SLC7A2: variants seen among roughly 807,000 people sequenced by gnomAD.
SLC7A2 encodes the protein solute carrier family 7 member 2.
A neutral mutation model predicts 58.9 loss-of-function variants in SLC7A2; 48 were observed. That is an observed-to-expected ratio of 0.82 (90% CI 0.65 to 1.04). The LOEUF is 1.04. SLC7A2 is among the 50% of genes least tolerant of loss of function. SLC7A2 has a pLI of 0.00. For missense variants in SLC7A2, 1,029 were observed against 818.8 expected (o/e 1.26, Z -3.13); for synonymous variants, 363 against 314.5 (o/e 1.15, Z -1.63).
intron 2 of SLC7A2, among the ~76,000 whole-genome samples, chr8:17,541,737 A>G (rs1214397950): frequency 6.6e-6 from 1 of 152,204 alleles, no homozygotes; most frequent in African/African-American, 2.4e-5. Flanking sequence ...TATTCATTGG[A>G]GACAAATTAG....
At chr8:17,545,398 A>ATTT (rs1802115433) in intron 4 of SLC7A2, among the ~76,000 whole-genome samples, 1 of 93,606 alleles carries the variant, frequency 1.1e-5, no homozygotes. Context: ...CTATTTGAAC[A>ATTT]TTTTCTTTTT....
At position 17,550,498 on chromosome 8, in the gene SLC7A2, G is replaced by A. The variant is rs1563472743; in HGVS notation, c.832+64G>A. 2.0e-6 allele frequency: 3 copies of A among 1,501,678 alleles called. No individual in the cohort carries two copies. The East Asian group carries it at 7.0e-5, about 35-fold the overall frequency. The allele number at this position is 1,501,678 out of a possible 1,614,324, so 93.0% of individuals were successfully genotyped here. On this transcript the variant is annotated intron_variant, in intron 6 of 12. Transcript: ENST00000494857. ...CCTTGTTGTGCACGAGTACCCGTGT[G>A]TGGTAGCAGAGGGTCCAGGAAAGAG...
chr8:17,533,201 A>G lies in SLC7A2; in HGVS notation c.-22-10117A>G, dbSNP rs538571212. 3.3e-5 allele frequency among the ~76,000 whole-genome samples: 5 copies of G among 152,350 alleles called. No individual in the cohort carries two copies. In the East Asian group the frequency reaches 9.6e-4, roughly 29 times the overall value. ...AACTTGCAAACTTCTCTGAGCCAAT[A>G]GCAGCATTTCAACAATCTATCAAGA... On this transcript the variant is annotated intron_variant, in intron 2 of 12. Transcript: ENST00000494857.
chr8:17,558,438 G>A lies in SLC7A2; in HGVS notation c.1298+41G>A, dbSNP rs903830028. 6 of 1,316,980 alleles carry A rather than the reference G, an allele frequency of 4.6e-6. No individual in the cohort carries two copies. In the Admixed American group the frequency reaches 1.1e-4, roughly 23 times the overall value. 81.6% of individuals were successfully genotyped at this position (1,316,980 alleles called of 1,614,324 possible). A position where few individuals can be genotyped will look rare whatever the true frequency, so the allele number is the denominator to read the frequency against. Reference sequence around the variant, plus strand: ...GTTCTACAGGGTGTACCATGCACGAGGGACTCTGGGAGTGAGAAAATGAGC... The same window carrying A: ...GTTCTACAGGGTGTACCATGCACGAAGGACTCTGGGAGTGAGAAAATGAGC... On this transcript the variant is annotated intron_variant, in intron 9 of 12. Transcript: ENST00000494857.
In SLC7A2 at chr8:17,562,110, G is replaced by T; in HGVS notation, c.1671G>T (p.Met557Ile). 6.2e-7 allele frequency: 1 copy of T among 1,602,810 alleles called. No individual in the cohort carries two copies. The highest frequency in any genetic ancestry group is 8.5e-7 in the Non-Finnish European group (1 of 1,174,782). Residue 557 changes from methionine (M) to isoleucine (I), a missense_variant and splice_region_variant, in exon 11 of 13, where the codon ATG becomes ATT. Met to Ile is a conservative substitution (Grantham distance 10, BLOSUM62 1). Transcript: ENST00000494857. ...AGAATCAGCAAAAAGTAGCCTTCAT[G>T]GTATGTGTAATGAGGATTAGAGACC... The part of the protein sequence containing the change: ...QPQNQQKVAF[M>I]VPFLPFLPAF...
At chr8:17,551,654 A>G in intron 6 of SLC7A2, 110 bp from the exon 7 acceptor site, 2 of 788,192 alleles carry the variant, frequency 2.5e-6, no homozygotes, top group Non-Finnish European at 4.4e-6. Flanking sequence ...GAAAAGGGAC[A>G]AAAGCAGAGG....
rs567984641 is a variant in SLC7A2 at position 17,500,983 on chromosome 8, T to A, written c.-68-1274T>A. Among the ~76,000 whole-genome samples the A allele has an allele frequency of 2.0e-5, 3 of 151,294 alleles. No individual in the cohort carries two copies. The South Asian group carries it at 6.3e-4, about 32-fold the overall frequency. On this transcript the variant is annotated intron_variant, in intron 1 of 12. Transcript: ENST00000494857. ...TATCAGTCTATGGAAGCAAGCAGTATGCTGTTGCTTTTCACATTCTTATCG... is the reference window on the plus strand; with the variant it reads ...TATCAGTCTATGGAAGCAAGCAGTAAGCTGTTGCTTTTCACATTCTTATCG...
At chr8:17,502,209 A>G (rs1800188469) in intron 1 of SLC7A2, 48 bp from the exon 2 acceptor site, 1 of 151,830 alleles carries the variant, frequency 6.6e-6, no homozygotes, top group Admixed American at 6.6e-5. Flanking sequence ...AAGAATGGAG[A>G]AATCACATGA....
intron 7 of SLC7A2, among the ~76,000 whole-genome samples, chr8:17,553,503 G>T (rs988378129): frequency 1.3e-5 from 2 of 152,328 alleles, no homozygotes; most frequent in East Asian, 1.9e-4. Flanking sequence ...AGGCACAGTG[G>T]TTCACTCTTG....
intron 8 of SLC7A2, among the ~76,000 whole-genome samples, 170 bp from the exon 9 acceptor site, chr8:17,558,125 A>G (rs544807888): frequency 9.2e-5 from 14 of 152,094 alleles, no homozygotes; most frequent in Non-Finnish European, 1.8e-4. Flanking sequence ...AGTTTATATG[A>G]CCTAAAGAAC....
At chr8:17,546,248 T>G (rs1402290267) in intron 4 of SLC7A2, among the ~76,000 whole-genome samples, 3 of 152,178 alleles carry the variant, frequency 2.0e-5, no homozygotes, top group Non-Finnish European at 2.9e-5. Flanking sequence ...TAGAACATAG[T>G]TTAATTCCAC....
At chr8:17,511,329 C>T (rs1401041716) in intron 2 of SLC7A2, 2 of 152,142 alleles carry the variant, frequency 1.3e-5, no homozygotes, top group African/African-American at 2.4e-5. Flanking sequence ...CCTAGTCCTG[C>T]AGCGTTGATG....
chr8:17,553,590 G>C (rs547246791), intron 7 of SLC7A2, among the ~76,000 whole-genome samples: 1 of 152,140 alleles, frequency 6.6e-6, no homozygotes, highest in Admixed American at 6.5e-5. Flanking sequence ...GGGCAACGTA[G>C]CAAGGCTCGG....
At chr8:17,552,900 G>A (rs952911194) in intron 7 of SLC7A2, among the ~76,000 whole-genome samples, 2 of 152,118 alleles carry the variant, frequency 1.3e-5, no homozygotes, top group African/African-American at 2.4e-5. Context: ...CTGAAAATAA[G>A]GTTCTGAAAG....
In SLC7A2 at chr8:17,566,004, G is replaced by T. The variant is rs6586610; in HGVS notation, c.*858G>T. The stretch of plus-strand genomic sequence containing the variant: ...AATTAAAAAGTGAAGATAGTCACCA[G>T]GGCCAGAAAGCTCATGGAGTGGCCG... On this transcript the variant is annotated 3_prime_UTR_variant, in exon 13 of 13. Transcript: ENST00000494857. 0.2 allele frequency: 30,316 copies of T among 152,096 alleles called. 3,398 individuals are homozygous for T. Among genetic ancestry groups the T allele is most frequent in the African/African-American group, 0.3 (12,443 of 41,458 alleles). 9.4% of individuals were successfully genotyped at this position (152,096 alleles called of 1,614,324 possible).
rs191924031 is a variant in SLC7A2 at position 17,570,367 on chromosome 8, A to T, written c.*5221A>T. The T allele has an allele frequency of 6.6e-6, 1 of 152,658 alleles. No individual in the cohort carries two copies. Among genetic ancestry groups the T allele is most frequent in the Non-Finnish European group, 1.5e-5 (1 of 68,042 alleles). 9.5% of individuals were successfully genotyped at this position (152,658 alleles called of 1,614,324 possible). On this transcript the variant is annotated 3_prime_UTR_variant, in exon 13 of 13. Coordinates refer to ENST00000494857, the MANE Select transcript of SLC7A2 (RefSeq NM_001370338.1). ...TATGTCTGTAAAAACCAACAAAGGC[A>T]TTGGACTTGTGTGAATGTACAGGGT... is the stretch of plus-strand genomic sequence containing the variant.
At chr8:17,561,872 A>G (rs1020375973) in intron 10 of SLC7A2, 72 bp from the exon 11 acceptor site, 3 of 1,402,114 alleles carry the variant, frequency 2.1e-6, no homozygotes, top group African/African-American at 1.4e-5. Flanking sequence ...TTATCAGAAT[A>G]TGCTGTTTTG....
At chr8:17,556,630 A>T (rs971863027) in intron 8 of SLC7A2, among the ~76,000 whole-genome samples, 3 of 151,074 alleles carry the variant, frequency 2.0e-5, no homozygotes, top group Non-Finnish European at 4.4e-5. Context: ...TTTTTTTGAG[A>T]TAGGGTGTCA....
chr8:17,552,579 CATATAAATATGTGAAGGGAAG>C, intron 7 of SLC7A2, among the ~76,000 whole-genome samples: 1 of 128,342 alleles, frequency 7.8e-6, no homozygotes, highest in African/African-American at 2.9e-5. Context: ...GGTGGAAATT[CATATAAATATGTGAAGGGAAG>C]CACCAATCAG....
Sources: allele counts gnomAD v4.1 joint callset (sites outside exome capture counted in the v4.1 genomes callset), GRCh38; gene constraint gnomAD v4.1.1; transcripts MANE v1.5; gene names NCBI Gene and HGNC (gene_info 2026-07-23, HGNC 2026-07-21).